Variants in CSGALNACT1 observed in about 807,000 individuals in gnomAD.
CSGALNACT1 encodes the protein beta4GalNAcT-1.
In CSGALNACT1, 52 loss-of-function variants were observed where a neutral mutation model predicts 51.0. The observed-to-expected ratio is 1.02, with a 90% confidence interval of 0.82 to 1.29. The LOEUF is 1.29. CSGALNACT1 is among the 50% of genes most tolerant of loss of function. The probability of loss-of-function intolerance (pLI) is 0.00; values close to 1 mark genes in which losing one functional copy is unlikely to be tolerated. For missense variants in CSGALNACT1, 935 were observed against 679.2 expected, an observed-to-expected ratio of 1.38 and a Z score of -4.19; for synonymous variants, 341 against 254.4, an observed-to-expected ratio of 1.34 and a Z score of -3.24.
At chr8:19,572,060 G>A (rs2043163889) in intron 3 of CSGALNACT1, among the ~76,000 whole-genome samples, 1 of 152,156 alleles carries the variant, frequency 6.6e-6, no homozygotes, top group African/African-American at 2.4e-5. Context: ...CCACCTTCAA[G>A]TGTTTTTCTC....
At chr8:19,708,907 T>G (rs1461683573) in intron 1 of CSGALNACT1, among the ~76,000 whole-genome samples, 1 of 152,210 alleles carries the variant, frequency 6.6e-6, no homozygotes, top group Non-Finnish European at 1.5e-5. Flanking sequence ...TTCCATCATG[T>G]ACCACATATG....
chr8:19,511,111 G>C (rs2078378191), intron 3 of CSGALNACT1, among the ~76,000 whole-genome samples: 1 of 152,236 alleles, frequency 6.6e-6, no homozygotes, highest in African/African-American at 2.4e-5. Context: ...CAGGCAGAAA[G>C]GACAGTGGCT....
chr8:19,450,816 G>T (rs543381160), intron 5 of CSGALNACT1, among the ~76,000 whole-genome samples: 25 of 152,130 alleles, frequency 1.6e-4, no homozygotes, highest in African/African-American at 5.5e-4. Flanking sequence ...AGTCTGAGGG[G>T]GGAGGATCAC....
At chr8:19,422,545 C>G (rs932723540) in intron 6 of CSGALNACT1, among the ~76,000 whole-genome samples, 3 of 152,220 alleles carry the variant, frequency 2.0e-5, no homozygotes, top group African/African-American at 7.2e-5. Flanking sequence ...TGCAGGGATT[C>G]TCTTCCTCTT....
At chr8:19,426,396 G>C (rs1170614497) in intron 6 of CSGALNACT1, among the ~76,000 whole-genome samples, 1 of 152,172 alleles carries the variant, frequency 6.6e-6, no homozygotes. Context: ...ACAGAAAAGA[G>C]ATGAGAAAAA....
At chr8:19,730,912 C>T (rs2063655436) in intron 1 of CSGALNACT1, among the ~76,000 whole-genome samples, 1 of 152,176 alleles carries the variant, frequency 6.6e-6, no homozygotes, top group Non-Finnish European at 1.5e-5. Flanking sequence ...GAACAGAATG[C>T]GTCCTCCTGC....
chr8:19,424,895 AG>A (rs762101091), intron 6 of CSGALNACT1, among the ~76,000 whole-genome samples: 2 of 152,250 alleles, frequency 1.3e-5, no homozygotes, highest in Non-Finnish European at 1.5e-5. Flanking sequence ...AGTGGTTGCC[AG>A]GCAGGCATGC....
intron 1 of CSGALNACT1, among the ~76,000 whole-genome samples, chr8:19,729,218 C>A (rs990036961): frequency 6.6e-6 from 1 of 151,946 alleles, no homozygotes; most frequent in African/African-American, 2.4e-5. Flanking sequence ...GCACATTAAA[C>A]CAAAGGAATT....
exon 4 of CSGALNACT1, chr8:19,505,790 C>T (rs1393936125): frequency 6.2e-7 from 1 of 1,613,832 alleles, no homozygotes; most frequent in Admixed American, 1.7e-5. Flanking sequence ...GCAAAACCAC[C>T]ACCCGGGAAA....
At chr8:19,715,901 T>G (rs1030751471) in intron 1 of CSGALNACT1, among the ~76,000 whole-genome samples, 2 of 152,202 alleles carry the variant, frequency 1.3e-5, no homozygotes, top group African/African-American at 4.8e-5. Context: ...CAAGTCTATT[T>G]TCCAGTGACT....
At chr8:19,622,685 T>A (rs1055540833) in intron 1 of CSGALNACT1, among the ~76,000 whole-genome samples, 1 of 152,008 alleles carries the variant, frequency 6.6e-6, no homozygotes, top group African/African-American at 2.4e-5. Context: ...AAGTCAAAGA[T>A]AAATACACAC....
At chr8:19,667,969 A>G (rs1010916906) in intron 1 of CSGALNACT1, among the ~76,000 whole-genome samples, 3 of 152,220 alleles carry the variant, frequency 2.0e-5, no homozygotes, top group African/African-American at 7.2e-5. Context: ...AAATGAGCAT[A>G]GTGAAGTTGA....
intron 1 of CSGALNACT1, among the ~76,000 whole-genome samples, chr8:19,751,475 T>C (rs145319546): frequency 2.6e-4 from 40 of 152,284 alleles, no homozygotes; most frequent in African/African-American, 7.2e-4. Context: ...CAAACATTAT[T>C]ATAAGCGCTA....
At chr8:19,660,268 G>A (rs960921919) in intron 1 of CSGALNACT1, among the ~76,000 whole-genome samples, 1 of 152,232 alleles carries the variant, frequency 6.6e-6, no homozygotes, top group Non-Finnish European at 1.5e-5. Context: ...AGAGGATGGA[G>A]CAGATGAAAG....
At chr8:19,436,322 G>A (rs1052590849) in intron 6 of CSGALNACT1, among the ~76,000 whole-genome samples, 4 of 152,154 alleles carry the variant, frequency 2.6e-5, no homozygotes, top group Admixed American at 6.5e-5. Context: ...AGAGTGAACA[G>A]GTGGTGGTAT....
intron 1 of CSGALNACT1, chr8:19,642,122 C>T (rs1024113903): frequency 6.6e-6 from 1 of 152,140 alleles, no homozygotes; most frequent in Non-Finnish European, 1.5e-5. Flanking sequence ...TTCCATTCTG[C>T]CTGAATCATT....
rs17128392 is a variant in CSGALNACT1, at chr8:19,424,034, T to G, written c.954-3516A>C. On this transcript the variant is annotated intron_variant, in intron 6 of 9. Transcript: ENST00000454498. ...ACGCAGGACTCTGCCCTGATCTAGC[T>G]TTGCCTGGGACTTTCATCCACCCTG... 7.3e-3 allele frequency among the ~76,000 whole-genome samples: 1,105 copies of G among 152,278 alleles called. 21 individuals carry two copies. Among genetic ancestry groups the G allele is most frequent in the East Asian group, 0.054 (279 of 5,158 alleles).
chr8:19,405,957 G>A, exon 10 of CSGALNACT1: 4 of 1,614,218 alleles, frequency 2.5e-6, no homozygotes, highest in South Asian at 2.2e-5. Flanking sequence ...CATGCCAGAG[G>A]TGGAAGAGTC....
At chr8:19,686,914 G>A (rs980414046), upstream of CSGALNACT1, among the ~76,000 whole-genome samples, 7 of 152,056 alleles carry the variant, frequency 4.6e-5, no homozygotes, top group East Asian at 9.6e-4. Flanking sequence ...TGACTCCATG[G>A]CCAACAGTTT....
Sources: gnomAD v4.1 joint callset for allele counts (sites outside exome capture counted in the v4.1 genomes callset) on GRCh38, gnomAD v4.1.1 for gene constraint, MANE v1.5 for transcripts, NCBI Gene and HGNC (gene_info 2026-07-23, HGNC 2026-07-21) for gene names.